IL23R: variants seen among roughly 807,000 people sequenced by gnomAD.
The protein encoded by IL23R is interleukin 23 receptor.
A neutral mutation model predicts 56.9 loss-of-function variants in IL23R; 34 were observed. That is an observed-to-expected ratio of 0.60 (90% CI 0.45 to 0.80). IL23R has a LOEUF of 0.80. Ranked by LOEUF, IL23R falls within the 30% of genes least tolerant of loss-of-function variation. The pLI is 0.00. For missense variants in IL23R, 635 were observed against 730.0 expected, an observed-to-expected ratio of 0.87 and a Z score of 1.50; for synonymous variants, 230 against 249.2, an observed-to-expected ratio of 0.92 and a Z score of 0.73.
intron 4 of IL23R, among the ~76,000 whole-genome samples, chr1:67,185,338 C>A (rs1647265770): frequency 6.6e-6 from 1 of 152,098 alleles, no homozygotes; most frequent in Non-Finnish European, 1.5e-5. Context: ...GATCGCAGGG[C>A]ATATTTAAGA....
At chr1:67,145,131 G>A (rs1646668298) in intron 1 of IL23R, among the ~76,000 whole-genome samples, 1 of 152,156 alleles carries the variant, frequency 6.6e-6, no homozygotes, top group African/African-American at 2.4e-5. Context: ...GATCACCTGA[G>A]GTCAGGGAGT....
intron 7 of IL23R, among the ~76,000 whole-genome samples, chr1:67,221,508 T>A (rs1174399807): frequency 6.6e-6 from 1 of 152,248 alleles, no homozygotes; most frequent in South Asian, 2.1e-4. Flanking sequence ...ATATTATTAG[T>A]TTAATTTTAT....
At chr1:67,220,089 C>G (rs1650143034) in intron 7 of IL23R, among the ~76,000 whole-genome samples, 1 of 152,046 alleles carries the variant, frequency 6.6e-6, no homozygotes, top group African/African-American at 2.4e-5. Context: ...TTTAAAACAG[C>G]CAGGTGCAGT....
intron 6 of IL23R, among the ~76,000 whole-genome samples, chr1:67,218,786 G>T (rs889422909): frequency 2.0e-5 from 3 of 151,892 alleles, no homozygotes; most frequent in African/African-American, 7.3e-5. Context: ...AATCATGGTA[G>T]TGCATGCCTG....
chr1:67,139,532 A>G (rs576109617), intron 1 of IL23R, among the ~76,000 whole-genome samples: 2 of 152,296 alleles, frequency 1.3e-5, no homozygotes, highest in East Asian at 3.9e-4. Context: ...CTTTTTCCCC[A>G]TAAGTCTTTT....
chr1:67,211,776 CTT>C (rs895092204), intron 6 of IL23R, among the ~76,000 whole-genome samples: 13 of 152,214 alleles, frequency 8.5e-5, no homozygotes, highest in Non-Finnish European at 2.9e-5. Flanking sequence ...GGTTGAAACT[CTT>C]ATTCTCTGCT....
At chr1:67,238,790 C>T (rs1651664829) in intron 8 of IL23R, among the ~76,000 whole-genome samples, 2 of 152,244 alleles carry the variant, frequency 1.3e-5, no homozygotes, top group South Asian at 4.2e-4. Flanking sequence ...GCCAGTACCC[C>T]CAATTAGTTG....
intron 1 of IL23R, among the ~76,000 whole-genome samples, chr1:67,160,939 A>G (rs934551181): frequency 6.6e-6 from 1 of 152,200 alleles, no homozygotes; most frequent in Non-Finnish European, 1.5e-5. Flanking sequence ...ATTGATTGGC[A>G]AGAGTGAATC....
intron 1 of IL23R, among the ~76,000 whole-genome samples, chr1:67,152,903 G>A (rs1404052358): frequency 1.3e-5 from 2 of 152,056 alleles, no homozygotes; most frequent in African/African-American, 4.8e-5. Flanking sequence ...ATTGGCCTGA[G>A]GTTTTCTTTT....
chr1:67,189,381 AT>A (rs1647580588), intron 4 of IL23R, among the ~76,000 whole-genome samples: 2 of 152,156 alleles, frequency 1.3e-5, no homozygotes, highest in South Asian at 4.1e-4. Context: ...TTTATAAATT[AT>A]TTTTCCCATC....
intron 1 of IL23R, among the ~76,000 whole-genome samples, chr1:67,167,710 C>A (rs1382523672): frequency 6.6e-6 from 1 of 151,980 alleles, no homozygotes; most frequent in Non-Finnish European, 1.5e-5. Context: ...GGCTACAGAG[C>A]CTGGCCCTTG....
intron 8 of IL23R, among the ~76,000 whole-genome samples, chr1:67,237,951 G>A (rs753834686): frequency 3.3e-5 from 5 of 152,190 alleles, no homozygotes; most frequent in Non-Finnish European, 7.4e-5. Flanking sequence ...AAAACAATGA[G>A]CAAAGCCCCT....
intron 9 of IL23R, among the ~76,000 whole-genome samples, chr1:67,246,231 A>G (rs2100350699): frequency 6.6e-6 from 1 of 152,070 alleles, no homozygotes; most frequent in South Asian, 2.1e-4. Flanking sequence ...CTAGCAGTCT[A>G]TCTATTTTGT....
upstream of IL23R, among the ~76,000 whole-genome samples, chr1:67,165,502 G>A (rs1466421200): frequency 6.6e-6 from 1 of 152,152 alleles, no homozygotes. Flanking sequence ...AGCACCATGA[G>A]AGATATCTGC....
Position 67,240,297 on chromosome 1 carries a change from A to G in IL23R, c.1148+16A>G. The G allele has an allele frequency of 1.3e-6, 2 of 1,561,450 alleles. No individual in the cohort carries two copies. The highest frequency in any genetic ancestry group is 1.8e-6 in the Non-Finnish European group (2 of 1,132,888). On this transcript the variant is annotated intron_variant, in intron 9 of 10. Coordinates refer to ENST00000347310, the MANE Select transcript of IL23R (RefSeq NM_144701.3). ...TCCGAACTGGGTAGGTTTTTGCAGAATTTCTGTTTTCTGATTTAGACTACA... is the reference window on the plus strand; with the variant it reads ...TCCGAACTGGGTAGGTTTTTGCAGAGTTTCTGTTTTCTGATTTAGACTACA...
intron 5 of IL23R, among the ~76,000 whole-genome samples, chr1:67,202,854 C>A (rs1004821): frequency 6.6e-6 from 1 of 151,886 alleles, no homozygotes; most frequent in Admixed American, 6.6e-5. Flanking sequence ...GTATTTCAGG[C>A]GTGAGCCACC....
At chr1:67,145,798 C>T (rs761972294) in intron 1 of IL23R, among the ~76,000 whole-genome samples, 1 of 152,182 alleles carries the variant, frequency 6.6e-6, no homozygotes, top group African/African-American at 2.4e-5. Flanking sequence ...CCTAATGAAC[C>T]ATGCCTCCCA....
downstream of IL23R, among the ~76,000 whole-genome samples, chr1:67,262,330 G>C (rs141303931): frequency 2.6e-5 from 4 of 152,202 alleles, no homozygotes; most frequent in East Asian, 1.9e-4. Flanking sequence ...CCAGAGGTAG[G>C]GGGTGGAGAG....
intron 7 of IL23R, among the ~76,000 whole-genome samples, chr1:67,234,172 C>T (rs941038902): frequency 4.6e-5 from 7 of 152,074 alleles, no homozygotes; most frequent in African/African-American, 1.7e-4. Flanking sequence ...AAAGAAATGA[C>T]GTAGCCACGT....
Sources: allele counts gnomAD v4.1 joint callset (sites outside exome capture counted in the v4.1 genomes callset), GRCh38; gene constraint gnomAD v4.1.1; transcripts MANE v1.5; gene names NCBI Gene and HGNC (gene_info 2026-07-23, HGNC 2026-07-21).